MAD1L1: variants seen among roughly 807,000 people sequenced by gnomAD.
MAD1L1 encodes the protein mitotic arrest deficient 1 like 1.
Under a neutral mutation model 96.9 loss-of-function variants are expected in MAD1L1, and 95 were observed. That is an observed-to-expected ratio of 0.98 (90% CI 0.83 to 1.16). The LOEUF (loss-of-function observed/expected upper bound fraction) is 1.16, where lower values mean the gene tolerates loss of function less well. Ranked by LOEUF, MAD1L1 falls within the 50% of genes most tolerant of loss-of-function variation. MAD1L1 has a pLI of 0.00. For missense variants in MAD1L1, 1,007 were observed against 954.4 expected (o/e 1.06, Z -0.73); for synonymous variants, 473 against 396.6 (o/e 1.19, Z -2.29).
chr7:2,018,048 G>A (rs1206289565), intron 12 of MAD1L1, among the ~76,000 whole-genome samples: 3 of 152,088 alleles, frequency 2.0e-5, no homozygotes, highest in Non-Finnish European at 4.4e-5. Flanking sequence ...TGGAGGTGCT[G>A]CAGGCAGGGG....
At position 1,989,498 on chromosome 7, in the gene MAD1L1, G is replaced by A. The variant is rs572821172; in HGVS notation, c.1417-8957C>T. Among the ~76,000 whole-genome samples the A allele has an allele frequency of 4.5e-4, 69 of 152,368 alleles. 1 individual carries two copies. Among genetic ancestry groups the A allele is most frequent in the African/African-American group, 1.2e-3 (51 of 41,594 alleles). On this transcript the variant is annotated intron_variant, in intron 14 of 18. Coordinates refer to ENST00000265854, the MANE Select transcript of MAD1L1 (RefSeq NM_001013836.2). ...AGCCAGGCACGGGCTGGGAGCCCTC[G>A]GCGGCGGGAGCCGCCTCACCCTGGA...
chr7:1,895,097 GAGA>G (rs892804087), intron 18 of MAD1L1, among the ~76,000 whole-genome samples: 1 of 152,224 alleles, frequency 6.6e-6, no homozygotes, highest in African/African-American at 2.4e-5. Context: ...GGGCTTCCTG[GAGA>G]AGGTGTCTAC....
intron 18 of MAD1L1, among the ~76,000 whole-genome samples, chr7:1,851,174 T>TGA (rs1783955468): frequency 6.6e-6 from 1 of 152,058 alleles, no homozygotes; most frequent in South Asian, 2.1e-4. Flanking sequence ...CCCTGTGGGG[T>TGA]GACCCATGCC....
At chr7:2,010,855 G>C (rs962437142) in intron 13 of MAD1L1, among the ~76,000 whole-genome samples, 9 of 152,202 alleles carry the variant, frequency 5.9e-5, no homozygotes, top group African/African-American at 1.4e-4. Flanking sequence ...CAAGCTTCCA[G>C]GGAAGGCTTG....
chr7:2,218,503 CTG>C (rs1483683136), intron 6 of MAD1L1, among the ~76,000 whole-genome samples: 1 of 152,218 alleles, frequency 6.6e-6, no homozygotes, highest in African/African-American at 2.4e-5. Context: ...AGTCTCCTGA[CTG>C]CACCTCCAGA....
In MAD1L1 at chr7:2,098,884, G is replaced by A. The variant is rs1366672208; in HGVS notation, c.1074-29546C>T. Among the ~76,000 whole-genome samples the A allele has an allele frequency of 2.0e-5, 3 of 152,344 alleles. No homozygotes were observed. The East Asian group carries it at 5.8e-4, about 29-fold the overall frequency. On this transcript the variant is annotated intron_variant, in intron 11 of 18. Coordinates refer to ENST00000265854, the MANE Select transcript of MAD1L1 (RefSeq NM_001013836.2). ...AAGCCCCTGGAGGGCCAAATAAAGG[G>A]GTCAGAAAAGACGCTACTCGAACTG... is the stretch of plus-strand genomic sequence containing the variant.
chr7:1,913,394 A>G (rs1342768411), intron 17 of MAD1L1, among the ~76,000 whole-genome samples: 1 of 151,946 alleles, frequency 6.6e-6, no homozygotes, highest in Non-Finnish European at 1.5e-5. Flanking sequence ...ATCAGGGCAG[A>G]CGGGCTCTGC....
At chr7:2,226,554 G>C (rs189221854) in intron 3 of MAD1L1, among the ~76,000 whole-genome samples, 1 of 152,198 alleles carries the variant, frequency 6.6e-6, no homozygotes, top group East Asian at 1.9e-4. Flanking sequence ...TTCCAGAGCC[G>C]GCCTTTGGGT....
intron 11 of MAD1L1, among the ~76,000 whole-genome samples, chr7:2,121,182 T>C (rs1787960401): frequency 6.6e-6 from 1 of 152,214 alleles, no homozygotes; most frequent in East Asian, 1.9e-4. Context: ...GCCTGAGGCC[T>C]CACGATCTGA....
intron 12 of MAD1L1, among the ~76,000 whole-genome samples, chr7:2,022,164 T>C (rs1217554337): frequency 1.3e-5 from 2 of 152,050 alleles, no homozygotes; most frequent in Non-Finnish European, 2.9e-5. Context: ...TTGTTTGAAG[T>C]ATAGGAGCAG....
chr7:2,089,255 T>A (rs1237534167), intron 11 of MAD1L1: 1 of 152,198 alleles, frequency 6.6e-6, no homozygotes, highest in Non-Finnish European at 1.5e-5. Flanking sequence ...TGGAATTGCA[T>A]CTCCCAGAAT....
chr7:1,927,425 G>A (rs556427191), intron 17 of MAD1L1, among the ~76,000 whole-genome samples: 5 of 152,284 alleles, frequency 3.3e-5, no homozygotes, highest in East Asian at 1.9e-4. Flanking sequence ...TGCTGATTTC[G>A]AGACTTACTA....
chr7:2,117,920 A>T (rs1177379321), intron 11 of MAD1L1, among the ~76,000 whole-genome samples: 1 of 152,136 alleles, frequency 6.6e-6, no homozygotes, highest in Non-Finnish European at 1.5e-5. Context: ...ATCCACAAAC[A>T]TCCCAACAAC....
chr7:1,995,989 C>G (rs1250168081), intron 14 of MAD1L1, among the ~76,000 whole-genome samples: 2 of 152,230 alleles, frequency 1.3e-5, no homozygotes, highest in African/African-American at 4.8e-5. Flanking sequence ...CTGGATGTGA[C>G]CAGACAGATT....
rs145546815 is a variant in MAD1L1, at chr7:2,164,340, A to G, written c.987-15102T>C. 2.6e-5 allele frequency among the ~76,000 whole-genome samples: 4 copies of G among 152,332 alleles called. No individual in the cohort carries two copies. The East Asian group carries it at 7.7e-4, about 29-fold the overall frequency. ...CCGCACTCTGGAGGCAGCCAGGTGAAGGGCCCAGCTGAGCCTCAGTTTTCT... is the reference window on the plus strand; with the variant it reads ...CCGCACTCTGGAGGCAGCCAGGTGAGGGGCCCAGCTGAGCCTCAGTTTTCT... On this transcript the variant is annotated intron_variant, in intron 10 of 18. Transcript: ENST00000265854.
intron 11 of MAD1L1, among the ~76,000 whole-genome samples, chr7:2,086,026 C>T (rs990071574): frequency 5.3e-5 from 8 of 152,198 alleles, no homozygotes; most frequent in African/African-American, 1.9e-4. Context: ...CCGTGCGCAG[C>T]TCCACCTACC....
intron 11 of MAD1L1, among the ~76,000 whole-genome samples, chr7:2,086,170 C>A (rs3800894): frequency 0.053 from 8,140 of 152,276 alleles, 391 homozygotes; most frequent in African/African-American, 0.12. Flanking sequence ...AAGGATGAGC[C>A]CCTCCCTCCC....
In MAD1L1 at chr7:1,870,241, A is replaced by AT. The variant is rs542515871; in HGVS notation, c.1998+27958dup. ...ATATGCCTGCCACGCTGAACCGACCATAACACCTGCCACGCTGAACCCAAC... is the reference window on the plus strand; with the variant it reads ...ATATGCCTGCCACGCTGAACCGACCATTAACACCTGCCACGCTGAACCCAAC... On this transcript the variant is annotated intron_variant, in intron 18 of 18. Coordinates refer to ENST00000265854, the MANE Select transcript of MAD1L1 (RefSeq NM_001013836.2). 2.3e-3 allele frequency among the ~76,000 whole-genome samples: 338 copies of AT among 149,422 alleles called. 1 individual carries two copies. Among genetic ancestry groups the AT allele is most frequent in the African/African-American group, 8.1e-3 (325 of 40,356 alleles).
intron 18 of MAD1L1, among the ~76,000 whole-genome samples, chr7:1,897,194 C>T (rs906177293): frequency 2.6e-5 from 4 of 152,254 alleles, no homozygotes; most frequent in Admixed American, 6.5e-5. Context: ...AGCGGCTCAC[C>T]GCTGTGAGAC....
Sources: gnomAD v4.1 joint callset for allele counts (sites outside exome capture counted in the v4.1 genomes callset) on GRCh38, gnomAD v4.1.1 for gene constraint, MANE v1.5 for transcripts, NCBI Gene and HGNC (gene_info 2026-07-23, HGNC 2026-07-21) for gene names.